The following NAV1 variants were observed in gnomAD, a reference collection of about 807,000 sequenced individuals.
NAV1 encodes pore membrane and/or filament interacting like protein 3.
Under a neutral mutation model 175.2 loss-of-function variants are expected in NAV1, and 18 were observed. The observed-to-expected ratio is 0.10, with a 90% CI of 0.07 to 0.15. The LOEUF is 0.15. Among genes scored for constraint, NAV1 ranks in the 10% least tolerant of loss-of-function variants. NAV1 has a pLI of 1.00. For synonymous variants in NAV1, 897 were observed against 978.7 expected, an observed-to-expected ratio of 0.92 and a Z score of 1.56; for missense variants, 1,731 against 2,436.6, an observed-to-expected ratio of 0.71 and a Z score of 6.10.
intron 1 of NAV1, among the ~76,000 whole-genome samples, chr1:201,568,078 T>C (rs1246123936): frequency 6.6e-6 from 1 of 152,162 alleles, no homozygotes; most frequent in Admixed American, 6.5e-5. Flanking sequence ...GCCTGGGCTG[T>C]GTACCTAAGG....
At chr1:201,625,756 CTAGGCAT>C (rs1668313950) in intron 1 of NAV1, among the ~76,000 whole-genome samples, 1 of 152,210 alleles carries the variant, frequency 6.6e-6, no homozygotes, top group African/African-American at 2.4e-5. Context: ...GGAAAAGTGT[CTAGGCAT>C]TAAATTGTTT....
chr1:201,706,890 A>C (rs900557247), intron 1 of NAV1, among the ~76,000 whole-genome samples: 1 of 152,172 alleles, frequency 6.6e-6, no homozygotes, highest in Non-Finnish European at 1.5e-5. Flanking sequence ...GATTCCCATG[A>C]GTCTCCTTCT....
chr1:201,809,286 A>C, intron 21 of NAV1, 25 bp downstream of exon 25: 1 of 1,609,676 alleles, frequency 6.2e-7, no homozygotes, highest in South Asian at 1.1e-5. Context: ...GGAGAGCCAC[A>C]GTGGGAATGA....
At chr1:201,822,489 G>C (rs909655963) in exon 30 of NAV1, 6 of 152,650 alleles carry the variant, frequency 3.9e-5, no homozygotes, top group African/African-American at 1.4e-4. Flanking sequence ...AAAAAGGAGA[G>C]GGGAGAACCC....
intron 1 of NAV1, among the ~76,000 whole-genome samples, chr1:201,545,999 A>G (rs144422788): frequency 1.2e-3 from 178 of 152,328 alleles, no homozygotes; most frequent in African/African-American, 4.1e-3. Flanking sequence ...AATTGAGTTG[A>G]CTGGGAAGGA....
chr1:201,600,869 A>C (rs1445689709), intron 2 of NAV1, among the ~76,000 whole-genome samples: 1 of 152,162 alleles, frequency 6.6e-6, no homozygotes, highest in African/African-American at 2.4e-5. Context: ...TGGCTCTGGA[A>C]GTTTCATTTC....
At position 201,812,259 on chromosome 1, in the gene NAV1, T is replaced by C. The variant is rs773791861; in HGVS notation, c.5025-206T>C. Among the ~76,000 whole-genome samples the C allele has an allele frequency of 1.3e-5, 2 of 152,216 alleles. No homozygotes were observed. Among genetic ancestry groups the C allele is most frequent in the Non-Finnish European group, 2.9e-5 (2 of 68,046 alleles). ...ATCTGGGTCAGTGATGTCAGAAGGT[T>C]ATCCGAAGAGGGCTACCAATTTGAG... On this transcript the variant is annotated intron_variant, in intron 26 of 29. Transcript: ENST00000367296. The surrounding 1 kb of genome is among the most constrained non-coding windows in gnomAD (Gnocchi z 4.6).
Position 201,782,645 on chromosome 1 carries a change from G to A in NAV1, c.2133G>A (p.Thr711=), listed in dbSNP as rs779086439. 9 of 1,613,964 alleles carry A rather than the reference G, an allele frequency of 5.6e-6. No individual in the cohort carries two copies. The highest frequency in any genetic ancestry group is 2.2e-5 in the East Asian group (1 of 44,874). The stretch of plus-strand genomic sequence containing the variant: ...TCAGCACCAAGCAGGGAGGCCTTAC[G>A]CCTTCCAGACTGAAGGAGCCTACCA... Residue 711 remains threonine, a synonymous_variant, in exon 6 of 30, where the codon ACG becomes ACA. Transcript: ENST00000367296. The surrounding 1 kb of genome is among the most constrained non-coding windows in gnomAD (Gnocchi z 5.4).
intron 3 of NAV1, among the ~76,000 whole-genome samples, chr1:201,777,972 A>G (rs1676068994): frequency 6.6e-6 from 1 of 152,034 alleles, no homozygotes; most frequent in African/African-American, 2.4e-5. Context: ...AAAGAAAGAA[A>G]CTATGCTCTC....
intron 2 of NAV1, among the ~76,000 whole-genome samples, chr1:201,605,651 A>G: frequency 6.6e-6 from 1 of 152,244 alleles, no homozygotes; most frequent in East Asian, 1.9e-4. Flanking sequence ...GGGTCAGTTC[A>G]GGAAGGCAGC....
At chr1:201,809,228 G>A in exon 21 of NAV1, 1 of 1,613,942 alleles carries the variant, frequency 6.2e-7, no homozygotes, top group South Asian at 1.1e-5. Context: ...TCCGGGTGGT[G>A]GTGAGGATGC....
At position 201,782,208 on chromosome 1, in the gene NAV1, A is replaced by G. The variant is rs1177241998; in HGVS notation, c.1696A>G (p.Lys566Glu). Reference sequence around the variant, plus strand: ...TGAGGGCAAAGCTACAGACAAGGGTAAGCTTGCAGTGAAGAATACTGGGCT... The same window carrying G: ...TGAGGGCAAAGCTACAGACAAGGGTGAGCTTGCAGTGAAGAATACTGGGCT... The change falls in exon 6 of 30, where the codon AAG (lysine) becomes GAG (glutamate). Residue 566 changes from lysine to glutamate, a missense_variant. Physicochemically the swap from Lys to Glu is moderately conservative, Grantham distance 56. Around this residue, in one of 13 missense-constraint regions of NAV1, gnomAD observed 634 missense variants for 766.8 expected, o/e 0.83. Transcript: ENST00000367296. The surrounding 1 kb of genome is among the most constrained non-coding windows in gnomAD (Gnocchi z 5.4). 6.2e-7 allele frequency: 1 copy of G among 1,608,250 alleles called. No homozygotes were observed. Among genetic ancestry groups the G allele is most frequent in the Admixed American group, 1.7e-5 (1 of 58,796 alleles).
At chr1:201,658,953 T>G (rs574520359) in intron 1 of NAV1, among the ~76,000 whole-genome samples, 7 of 152,318 alleles carry the variant, frequency 4.6e-5, no homozygotes, top group African/African-American at 1.7e-4. Flanking sequence ...TCTTCCTCTG[T>G]TCCTTTGGTA....
In NAV1 at chr1:201,689,801, G is replaced by A. The variant is rs148721535; in HGVS notation, c.758-23016G>A. Among the ~76,000 whole-genome samples the A allele has an allele frequency of 5.2e-3, 786 of 152,310 alleles. 3 individuals carry two copies. Among genetic ancestry groups the A allele is most frequent in the Middle Eastern group, 0.01 (3 of 294 alleles). On this transcript the variant is annotated intron_variant, in intron 1 of 29. Transcript: ENST00000367296. ...GAGAGATGTGCGATTGGGGGAGTGC[G>A]GTGGAAGCTCTCCTAGGGGCCTCAG...
intron 1 of NAV1, among the ~76,000 whole-genome samples, chr1:201,670,619 C>T (rs1459882275): frequency 6.7e-6 from 1 of 149,892 alleles, no homozygotes; most frequent in African/African-American, 2.5e-5. Context: ...TTGATGATGG[C>T]AGTGATGATG....
intron 1 of NAV1, among the ~76,000 whole-genome samples, chr1:201,678,981 A>C (rs1228534424): frequency 2.0e-5 from 3 of 152,052 alleles, no homozygotes; most frequent in Non-Finnish European, 2.9e-5. Context: ...CGTGGAGACA[A>C]AGGTCGGGGA....
intron 1 of NAV1, among the ~76,000 whole-genome samples, chr1:201,663,167 C>G (rs1386284240): frequency 2.0e-5 from 3 of 152,052 alleles, no homozygotes; most frequent in African/African-American, 4.8e-5. Flanking sequence ...TCTGATTGAC[C>G]CACCCATCAC....
rs550229801 is a variant in NAV1 at position 201,631,350 on chromosome 1, C to T, written c.4+1843C>T. 8.5e-5 allele frequency among the ~76,000 whole-genome samples: 13 copies of T among 152,348 alleles called. No individual in the cohort carries two copies. The East Asian group carries it at 2.3e-3, about 27-fold the overall frequency. ...GAGAAGAGAGGAAGAGAGGAGGCAA[C>T]TGAAGGATTTCATTTTATGCCTTGC... On this transcript the variant is annotated intron_variant, in intron 2 of 29. Coordinates refer to the NAV1 transcript ENST00000367302.
At chr1:201,571,970 C>T (rs1666557282) in intron 1 of NAV1, among the ~76,000 whole-genome samples, 1 of 152,200 alleles carries the variant, frequency 6.6e-6, no homozygotes, top group Non-Finnish European at 1.5e-5. Flanking sequence ...GCCTAATGCA[C>T]CCATAAGGAA....
Sources: allele counts gnomAD v4.1 joint callset (sites outside exome capture counted in the v4.1 genomes callset), GRCh38; gene constraint gnomAD v4.1.1; regional missense constraint gnomAD v4.1.1; non-coding constraint Gnocchi (gnomAD v3.1); transcripts MANE v1.5; gene names NCBI Gene and HGNC (gene_info 2026-07-23, HGNC 2026-07-21).